The following SDR16C5 variants were observed in gnomAD, a reference collection of about 807,000 sequenced individuals.
SDR16C5 encodes the protein short chain dehydrogenase/reductase family 16C member 5, also known as epidermal retinol dehydrogenase 2.
SDR16C5 carries 20 observed loss-of-function variants against 27.7 expected under a neutral mutation model. The observed-to-expected ratio is 0.72, with a 90% CI of 0.51 to 1.05. The LOEUF is 1.05. Among genes scored for constraint, SDR16C5 ranks in the 50% least tolerant of loss-of-function variants. The pLI, the probability that SDR16C5 is intolerant of heterozygous loss-of-function variation, is 0.00. For synonymous variants in SDR16C5, 139 were observed against 132.3 expected (o/e 1.05, Z -0.35); for missense variants, 374 against 366.3 (o/e 1.02, Z -0.17).
intron 4 of SDR16C5, among the ~76,000 whole-genome samples, chr8:56,307,804 C>T (rs139501473): frequency 6.6e-4 from 100 of 152,228 alleles, no homozygotes; most frequent in African/African-American, 2.2e-3. Flanking sequence ...ACTGGCACCC[C>T]GGTGGTTCTG....
intron 1 of SDR16C5, among the ~76,000 whole-genome samples, chr8:56,316,851 A>C (rs895163382): frequency 6.6e-6 from 1 of 152,196 alleles, no homozygotes; most frequent in Non-Finnish European, 1.5e-5. Context: ...ATTTTGCATT[A>C]CTATTTAAAA....
chr8:56,302,350 T>G (rs1814778242), intron 6 of SDR16C5, among the ~76,000 whole-genome samples: 1 of 152,044 alleles, frequency 6.6e-6, no homozygotes, highest in African/African-American at 2.4e-5. Flanking sequence ...TTTATGAGAC[T>G]CCCTCCACCC....
chr8:56,301,751 G>C (rs186491582), intron 6 of SDR16C5, among the ~76,000 whole-genome samples, 178 bp from the exon 7 acceptor site: 1 of 152,140 alleles, frequency 6.6e-6, no homozygotes, highest in African/African-American at 2.4e-5. Context: ...TATATCCGGG[G>C]ACACTCGCCC....
At position 56,308,930 on chromosome 8, in the gene SDR16C5, G is replaced by A. The variant is rs1585912183; in HGVS notation, c.563C>T (p.Ala188Val). 1.2e-6 allele frequency: 2 copies of A among 1,604,888 alleles called. No individual in the cohort carries two copies. Among genetic ancestry groups the A allele is most frequent in the East Asian group, 4.5e-5 (2 of 44,684 alleles). Reference protein sequence around the residue: ...SAGLSGVNGLADYCASKFAAF... With the variant: ...SAGLSGVNGLVDYCASKFAAF... ...GTAAATTGCTATGTTTTTCTTACCT[G>A]CCAGCCCATTTACTCCACTTAATCC... The change falls in exon 4 of 7, where the codon GCA becomes GTA. Residue 188 changes from alanine to valine, a missense_variant and splice_region_variant. Ala to Val is a moderately conservative substitution (Grantham distance 64, BLOSUM62 0). Coordinates refer to ENST00000303749, the MANE Select transcript of SDR16C5 (RefSeq NM_138969.4).
rs75421219 is a variant in SDR16C5 at position 56,317,475 on chromosome 8, T to C, written c.-14-1114A>G. On this transcript the variant is annotated intron_variant, in intron 1 of 6. Transcript: ENST00000303749. ...TTCAGGATGGGAACAGAAGACATAT[T>C]TAGCAGACAGCATACTGTGCTGGGG... 4.9e-3 allele frequency among the ~76,000 whole-genome samples: 747 copies of C among 152,314 alleles called. 6 individuals are homozygous for C. Among genetic ancestry groups the C allele is most frequent in the African/African-American group, 0.014 (588 of 41,562 alleles).
At chr8:56,310,133 AGGGAGGAGGAGGAGGAGGAAGG>A (rs1814991818) in intron 3 of SDR16C5, among the ~76,000 whole-genome samples, 1 of 67,490 alleles carries the variant, frequency 1.5e-5, no homozygotes, top group Non-Finnish European at 2.8e-5. Flanking sequence ...GAGGAGGAGG[AGGGAGGAGGAGGAGGAGGAAGG>A]AGGAGGAGGA....
At chr8:56,303,251 G>A (rs1429293097) in intron 6 of SDR16C5, among the ~76,000 whole-genome samples, 1 of 151,372 alleles carries the variant, frequency 6.6e-6, no homozygotes, top group Non-Finnish European at 1.5e-5. Context: ...GAAGGCGGGG[G>A]TTGCAGTGAG....
At chr8:56,317,376 A>G (rs898366208) in intron 1 of SDR16C5, among the ~76,000 whole-genome samples, 5 of 152,106 alleles carry the variant, frequency 3.3e-5, no homozygotes, top group African/African-American at 1.2e-4. Context: ...AGTTACTCAC[A>G]CTTTAGTGTG....
At chr8:56,307,918 T>C (rs1267955234) in intron 4 of SDR16C5, among the ~76,000 whole-genome samples, 1 of 152,166 alleles carries the variant, frequency 6.6e-6, no homozygotes, top group African/African-American at 2.4e-5. Context: ...GACAGGAATG[T>C]TCTGTCTGAA....
chr8:56,320,141 A>T lies in SDR16C5; in HGVS notation c.-97T>A, dbSNP rs1044474721. The T allele has an allele frequency of 6.6e-6, 1 of 152,198 alleles. No homozygotes were observed. Among genetic ancestry groups the T allele is most frequent in the East Asian group, 1.9e-4 (1 of 5,166 alleles). The allele number at this position is 152,198 out of a possible 1,614,324, so 9.4% of individuals were successfully genotyped here. A position where few individuals can be genotyped will look rare whatever the true frequency, so the allele number is the denominator to read the frequency against. On this transcript the variant is annotated 5_prime_UTR_variant, in exon 1 of 7. Transcript: ENST00000303749. ...CGAGTCCCTGGCTCGGAGCTCAGTCAGGTTCAGGTGTTTATCCAGGCGCCG... is the reference window on the plus strand; with the variant it reads ...CGAGTCCCTGGCTCGGAGCTCAGTCTGGTTCAGGTGTTTATCCAGGCGCCG...
intron 4 of SDR16C5, 52 bp from the exon 5 acceptor site, chr8:56,306,872 T>TAC (rs1814900532): frequency 6.6e-7 from 1 of 1,510,458 alleles, no homozygotes; most frequent in Non-Finnish European, 9.0e-7. Context: ...AAAATGGCAT[T>TAC]ACATTAAGGT....
rs1814894845 is a variant in SDR16C5 at position 56,306,739 on chromosome 8, A to T, written c.647T>A (p.Ile216Asn). 3 of 1,613,922 alleles carry T rather than the reference A, an allele frequency of 1.9e-6. No homozygotes were observed. Among genetic ancestry groups the T allele is most frequent in the Non-Finnish European group, 2.5e-6 (3 of 1,179,936 alleles). Residue 216 changes from isoleucine (I) to asparagine (N), a missense_variant, in exon 5 of 7, where the codon ATC becomes AAC. Ile to Asn is a moderately radical substitution (Grantham distance 149, BLOSUM62 -3). Transcript: ENST00000303749. ...AAAGGGGCACACAATCGTGGTTTTG[A>T]TCCCCTTTTGTTTTTGGACAAATGT... ...VETFVQKQKG[I>N]KTTIVCPFFI...
At chr8:56,308,519 G>T (rs975670874) in intron 4 of SDR16C5, among the ~76,000 whole-genome samples, 1 of 152,204 alleles carries the variant, frequency 6.6e-6, no homozygotes, top group Non-Finnish European at 1.5e-5. Context: ...ATCTTGAGGT[G>T]TAGAAACTTT....
chr8:56,315,252 A>G (rs1484973533), intron 2 of SDR16C5, among the ~76,000 whole-genome samples: 1 of 151,952 alleles, frequency 6.6e-6, no homozygotes, highest in Non-Finnish European at 1.5e-5. Flanking sequence ...TCTCAAAAAA[A>G]AAAAAAAAAT....
At chr8:56,319,965 G>C (rs1381302503) in intron 1 of SDR16C5, 94 bp downstream of exon 1, 1 of 152,564 alleles carries the variant, frequency 6.6e-6, no homozygotes, top group Admixed American at 6.5e-5. Flanking sequence ...GCGACCCAGC[G>C]TGAAACCAGC....
intron 5 of SDR16C5, 117 bp downstream of exon 5, chr8:56,306,559 A>C (rs1174288273): frequency 3.1e-6 from 3 of 967,406 alleles, no homozygotes; most frequent in Non-Finnish European, 4.4e-6. Flanking sequence ...AAAACCATTT[A>C]TAAATCATAC....
At chr8:56,305,554 T>C in intron 6 of SDR16C5, 43 bp downstream of exon 6, 2 of 1,526,386 alleles carry the variant, frequency 1.3e-6, no homozygotes, top group Admixed American at 2.4e-5. Flanking sequence ...GAGTAAACTG[T>C]AGACTGGCAT....
chr8:56,306,221 C>T (rs758492257), intron 5 of SDR16C5, among the ~76,000 whole-genome samples: 11 of 152,170 alleles, frequency 7.2e-5, no homozygotes, highest in Non-Finnish European at 1.5e-4. Context: ...TGAGAAGAGC[C>T]TATCAGCACT....
intron 2 of SDR16C5, among the ~76,000 whole-genome samples, chr8:56,313,729 TG>T (rs1815110386): frequency 6.6e-6 from 1 of 152,212 alleles, no homozygotes; most frequent in Non-Finnish European, 1.5e-5. Context: ...AGAATCTGCC[TG>T]TCCTGTTTTC....
Sources: gnomAD v4.1 joint callset for allele counts (sites outside exome capture counted in the v4.1 genomes callset) on GRCh38, gnomAD v4.1.1 for gene constraint, MANE v1.5 for transcripts, NCBI Gene and HGNC (gene_info 2026-07-23, HGNC 2026-07-21) for gene names.